The following UBQLN1 variants were observed in gnomAD, a reference collection of about 807,000 sequenced individuals.
UBQLN1 encodes the protein ubiquilin 1.
In UBQLN1, 13 loss-of-function variants were observed where a neutral mutation model predicts 65.4. That is an observed-to-expected ratio of 0.20 (90% CI 0.13 to 0.32). The LOEUF is 0.32. Ranked by LOEUF, UBQLN1 falls within the 10% of genes least tolerant of loss-of-function variation. The pLI is 1.00. For synonymous variants in UBQLN1, 267 were observed against 247.8 expected (o/e 1.08, Z -0.73); for missense variants, 561 against 724.0 (o/e 0.77, Z 2.58).
At chr9:83,677,201 T>C (rs2131157029) in intron 6 of UBQLN1, among the ~76,000 whole-genome samples, 1 of 152,312 alleles carries the variant, frequency 6.6e-6, no homozygotes, top group Middle Eastern at 3.4e-3. Context: ...TAGTAACAAC[T>C]ACACAGGTAA....
intron 6 of UBQLN1, among the ~76,000 whole-genome samples, chr9:83,673,365 A>G (rs1401880164): frequency 5.3e-5 from 8 of 151,784 alleles, no homozygotes; most frequent in Non-Finnish European, 5.9e-5. Context: ...ATGGTGAAAC[A>G]CTGTCTCTAC....
At chr9:83,673,564 A>C (rs1564162464) in intron 6 of UBQLN1, among the ~76,000 whole-genome samples, 2 of 39,032 alleles carry the variant, frequency 5.1e-5, no homozygotes, top group African/African-American at 1.2e-4. Context: ...AAAAAAAAAA[A>C]AAACAAAAAA....
chr9:83,707,481 G>A lies in UBQLN1; in HGVS notation c.180+19C>T, dbSNP rs1832432009. The A allele has an allele frequency of 4.4e-6, 7 of 1,597,030 alleles. No homozygotes were observed. The highest frequency in any genetic ancestry group is 1.4e-5 in the African/African-American group (1 of 73,054). The stretch of plus-strand genomic sequence containing the variant: ...CCTGCCGCCACCCCCATCCCGGCCC[G>A]AGCCCCAGGCGGCCTCACCTGCTGG... On this transcript the variant is annotated intron_variant, in intron 1 of 10. Transcript: ENST00000376395.
chr9:83,682,226 G>A (rs977723507), intron 3 of UBQLN1, among the ~76,000 whole-genome samples: 3 of 151,846 alleles, frequency 2.0e-5, no homozygotes, highest in South Asian at 2.1e-4. Context: ...CAGAGGTTGC[G>A]GTGAGCCTAG....
At chr9:83,678,625 A>C (rs772131447) in intron 4 of UBQLN1, 26 bp from the exon 5 acceptor site, 2 of 1,454,370 alleles carry the variant, frequency 1.4e-6, no homozygotes, top group South Asian at 1.3e-5. Context: ...CCAAAAAAAG[A>C]AAAAAAAAAG....
At position 83,660,941 on chromosome 9, in the gene UBQLN1, G is replaced by T. The variant is rs1208697766; in HGVS notation, c.*846C>A. On this transcript the variant is annotated 3_prime_UTR_variant, in exon 11 of 11. Coordinates refer to ENST00000376395, the MANE Select transcript of UBQLN1 (RefSeq NM_013438.5). ...TTAAACTACCTATGGGAGAAGCTGA[G>T]AAGTCCTAGGCAAATGCACTTTGGG... is the stretch of plus-strand genomic sequence containing the variant. 1 of 152,414 alleles carries T rather than the reference G, an allele frequency of 6.6e-6. No homozygotes were observed. The highest frequency in any genetic ancestry group is 2.4e-5 in the African/African-American group (1 of 41,422). 9.4% of individuals were successfully genotyped at this position (152,414 alleles called of 1,614,324 possible).
At chr9:83,685,540 C>T (rs951914506) in intron 2 of UBQLN1, among the ~76,000 whole-genome samples, 3 of 151,332 alleles carry the variant, frequency 2.0e-5, no homozygotes, top group Non-Finnish European at 2.9e-5. Context: ...CACTGTGGCA[C>T]GCACCTACAG....
At chr9:83,668,723 T>C (rs1564160594) in intron 7 of UBQLN1, 8 of 799,142 alleles carry the variant, frequency 1.0e-5, no homozygotes, top group East Asian at 2.5e-4. Context: ...AAGGAGAACA[T>C]TGTTCTGACA....
rs549058707 is a variant in UBQLN1 at position 83,672,677 on chromosome 9, T to C, written c.1106-3350A>G. Among the ~76,000 whole-genome samples, 395 of 152,136 alleles carry C rather than the reference T, an allele frequency of 2.6e-3. 2 individuals carry two copies. Among genetic ancestry groups the C allele is most frequent in the African/African-American group, 8.7e-3 (360 of 41,516 alleles). ...TTACAGAATCACCACAACAGAATAA[T>C]GAAAAAGCCTGAAATATTGTGAGAA... On this transcript the variant is annotated intron_variant, in intron 6 of 10. Transcript: ENST00000376395.
At chr9:83,678,345 C>A (rs1831878145) in intron 5 of UBQLN1, 96 bp downstream of exon 5, 2 of 1,440,594 alleles carry the variant, frequency 1.4e-6, no homozygotes, top group Non-Finnish European at 9.3e-7. Context: ...AAATTGAAAA[C>A]CACATTCCTC....
At chr9:83,701,412 C>T (rs1172530843) in intron 1 of UBQLN1, among the ~76,000 whole-genome samples, 2 of 151,990 alleles carry the variant, frequency 1.3e-5, no homozygotes, top group Non-Finnish European at 2.9e-5. Context: ...GAAAATTAGA[C>T]TGAAAAATAA....
At chr9:83,663,495 C>T (rs1002954250) in intron 10 of UBQLN1, among the ~76,000 whole-genome samples, 2 of 152,164 alleles carry the variant, frequency 1.3e-5, no homozygotes, top group African/African-American at 4.8e-5. Context: ...GACTAGAATA[C>T]AGCTGCCCTG....
intron 1 of UBQLN1, among the ~76,000 whole-genome samples, chr9:83,692,316 A>G (rs1251952947): frequency 6.6e-6 from 1 of 152,254 alleles, no homozygotes. Context: ...CTACAGAATA[A>G]AGAGAAAGTT....
At chr9:83,666,512 C>T in intron 7 of UBQLN1, 79 bp from the exon 8 acceptor site, 1 of 1,403,476 alleles carries the variant, frequency 7.1e-7, no homozygotes, top group Non-Finnish European at 1.0e-6. Flanking sequence ...CTATCTTCCC[C>T]CAAGTGCCTC....
In UBQLN1 at chr9:83,707,951, T is replaced by G. The variant is rs1432748520; in HGVS notation, c.-272A>C. 4 of 498,762 alleles carry G rather than the reference T, an allele frequency of 8.0e-6. No homozygotes were observed. Among genetic ancestry groups the G allele is most frequent in the Non-Finnish European group, 1.4e-5 (4 of 288,438 alleles). The allele number at this position is 498,762 out of a possible 1,614,324, so 30.9% of individuals were successfully genotyped here. ...GACATCCGCAGCAGCCACCGCTTCC[T>G]CCTCCCTGCCCCTTCCCCCACGTCC... is the stretch of plus-strand genomic sequence containing the variant. On this transcript the variant is annotated 5_prime_UTR_variant, in exon 1 of 11. Coordinates refer to ENST00000376395, the MANE Select transcript of UBQLN1 (RefSeq NM_013438.5).
rs533493933 is a variant in UBQLN1, at chr9:83,695,550, AT to A, written c.181-9396del. Among the ~76,000 whole-genome samples, 47 of 152,290 alleles carry A rather than the reference AT, an allele frequency of 3.1e-4. No individual in the cohort carries two copies. In the South Asian group the frequency reaches 5.6e-3, roughly 18 times the overall value. Reference sequence around the variant, plus strand: ...TGAATTTCTTAATTTTAAAGCAAAAATATGTAAAAGGTATTTTTTAAATGTA... The same window carrying A: ...TGAATTTCTTAATTTTAAAGCAAAAAATGTAAAAGGTATTTTTTAAATGTA... On this transcript the variant is annotated intron_variant, in intron 1 of 10. Coordinates refer to ENST00000376395, the MANE Select transcript of UBQLN1 (RefSeq NM_013438.5).
intron 8 of UBQLN1, 79 bp from the exon 9 acceptor site, chr9:83,665,224 G>A: frequency 1.9e-6 from 2 of 1,079,502 alleles, no homozygotes; most frequent in Non-Finnish European, 2.7e-6. Context: ...TCTCTGTTAT[G>A]CTTCTGGAGA....
chr9:83,664,167 A>C, intron 9 of UBQLN1, 124 bp from the exon 10 acceptor site: 1 of 1,020,966 alleles, frequency 9.8e-7, no homozygotes, highest in Non-Finnish European at 1.4e-6. Flanking sequence ...GGCCTGGTGC[A>C]GTGGCTCATT....
intron 1 of UBQLN1, among the ~76,000 whole-genome samples, chr9:83,698,087 T>A (rs1173653248): frequency 2.6e-5 from 4 of 152,170 alleles, no homozygotes; most frequent in Non-Finnish European, 5.9e-5. Flanking sequence ...CATCATAAAG[T>A]TATGTGACAT....
Sources: allele counts gnomAD v4.1 joint callset (sites outside exome capture counted in the v4.1 genomes callset), GRCh38; gene constraint gnomAD v4.1.1; transcripts MANE v1.5; gene names NCBI Gene and HGNC (gene_info 2026-07-23, HGNC 2026-07-21).